The following EPB41L4A variants were observed in gnomAD, a reference collection of about 807,000 sequenced individuals.
The protein encoded by EPB41L4A is erythrocyte membrane protein band 4.1 like 4A.
Under a neutral mutation model 108.6 loss-of-function variants are expected in EPB41L4A, and 100 were observed. The observed-to-expected ratio is 0.92, with a 90% CI of 0.78 to 1.09. The LOEUF (loss-of-function observed/expected upper bound fraction) is 1.09, where lower values mean the gene tolerates loss of function less well. Among genes scored for constraint, EPB41L4A ranks in the 50% least tolerant of loss-of-function variants. EPB41L4A has a pLI of 0.00. For synonymous variants in EPB41L4A, 319 were observed against 289.0 expected (o/e 1.10, Z -1.05); for missense variants, 1,030 against 842.7 (o/e 1.22, Z -2.75).
At chr5:112,409,536 G>A (rs1451466241) in intron 1 of EPB41L4A, among the ~76,000 whole-genome samples, 1 of 152,124 alleles carries the variant, frequency 6.6e-6, no homozygotes, top group Non-Finnish European at 1.5e-5. Flanking sequence ...AGAAATTGAG[G>A]AGTCAAGCAG....
At chr5:112,148,409 A>G (rs1161700527) in intron 12 of EPB41L4A, among the ~76,000 whole-genome samples, 5 of 151,724 alleles carry the variant, frequency 3.3e-5, no homozygotes, top group Non-Finnish European at 7.4e-5. Flanking sequence ...TAAGAATTTT[A>G]CCAATTGATA....
rs139644130 is a variant in EPB41L4A, at chr5:112,167,654, A to G, written c.1932+1085T>C. ...CAAAGTAGAATGAATTTGAAGAGCC[A>G]TCTCAGCTCTAGAGCTCCCTGTGCG... On this transcript the variant is annotated intron_variant, in intron 22 of 22. Coordinates refer to ENST00000261486, the MANE Select transcript of EPB41L4A (RefSeq NM_022140.5). 1.2e-4 allele frequency among the ~76,000 whole-genome samples: 18 copies of G among 152,300 alleles called. No homozygotes were observed. In the East Asian group the frequency reaches 3.3e-3, roughly 28 times the overall value.
intron 3 of EPB41L4A, among the ~76,000 whole-genome samples, chr5:112,279,073 A>G (rs1752793771): frequency 6.6e-6 from 1 of 151,750 alleles, no homozygotes; most frequent in African/African-American, 2.4e-5. Flanking sequence ...TCAAAAAAAA[A>G]AAAAAAAAAA....
At chr5:112,260,031 G>A in intron 7 of EPB41L4A, 52 bp from the exon 8 acceptor site, 1 of 1,281,452 alleles carries the variant, frequency 7.8e-7, no homozygotes. Flanking sequence ...AAATCTCTTT[G>A]TCAAACTATA....
intron 1 of EPB41L4A, among the ~76,000 whole-genome samples, chr5:112,345,709 G>T (rs1214938416): frequency 6.6e-6 from 1 of 151,384 alleles, no homozygotes; most frequent in African/African-American, 2.4e-5. Context: ...GTTTATGTGT[G>T]CACACGCATG....
At chr5:112,169,966 T>C (rs1254344561) in intron 20 of EPB41L4A, 5 of 276,070 alleles carry the variant, frequency 1.8e-5, no homozygotes, top group Admixed American at 5.6e-5. Flanking sequence ...GAGAGTTTTA[T>C]GGTCAACATA....
chr5:112,322,323 G>T (rs1255496167), intron 1 of EPB41L4A, among the ~76,000 whole-genome samples: 1 of 152,170 alleles, frequency 6.6e-6, no homozygotes, highest in Non-Finnish European at 1.5e-5. Context: ...TTAAAATCCA[G>T]ACTAGCTCTA....
At chr5:112,194,327 A>AACAC (rs143519632) in intron 17 of EPB41L4A, among the ~76,000 whole-genome samples, 45 of 151,040 alleles carry the variant, frequency 3.0e-4, no homozygotes, top group African/African-American at 3.6e-4. Flanking sequence ...CATCTTTTAA[A>AACAC]ACACACACAC....
intron 2 of EPB41L4A, among the ~76,000 whole-genome samples, chr5:112,286,593 G>C (rs138121172): frequency 3.5e-4 from 53 of 152,228 alleles, no homozygotes; most frequent in Non-Finnish European, 6.9e-4. Flanking sequence ...CGACCAACCT[G>C]CTTGCATCTG....
intron 1 of EPB41L4A, among the ~76,000 whole-genome samples, chr5:112,347,782 C>T (rs1757779829): frequency 6.6e-6 from 1 of 152,206 alleles, no homozygotes; most frequent in Admixed American, 6.5e-5. Context: ...AGTAAAGGGG[C>T]ATCCCCTGTG....
intron 1 of EPB41L4A, among the ~76,000 whole-genome samples, chr5:112,386,462 T>A (rs1760533824): frequency 6.6e-6 from 1 of 152,220 alleles, no homozygotes; most frequent in South Asian, 2.1e-4. Context: ...AATTCTAATT[T>A]CCTCTACATG....
intron 17 of EPB41L4A, among the ~76,000 whole-genome samples, chr5:112,192,491 G>A (rs192128962): frequency 4.6e-5 from 7 of 152,180 alleles, no homozygotes; most frequent in Admixed American, 2.6e-4. Flanking sequence ...GAAACGTGTC[G>A]GAATGTGTTT....
Position 112,255,771 on chromosome 5 carries a change from G to A in EPB41L4A, c.795+3458C>T, listed in dbSNP as rs112513355. Reference sequence around the variant, plus strand: ...TCAAATTTATATATTCTGCTCAGACGTTGGTACTAAACTCCAGGCTCACAT... The same window carrying A: ...TCAAATTTATATATTCTGCTCAGACATTGGTACTAAACTCCAGGCTCACAT... On this transcript the variant is annotated intron_variant, in intron 9 of 22. Transcript: ENST00000261486. Among the ~76,000 whole-genome samples, 9 of 152,162 alleles carry A rather than the reference G, an allele frequency of 5.9e-5. 1 individual carries two copies. The highest frequency in any genetic ancestry group is 2.1e-4 in the South Asian group (1 of 4,796).
chr5:112,159,616 C>A (rs564770594), downstream of EPB41L4A, among the ~76,000 whole-genome samples: 4 of 152,334 alleles, frequency 2.6e-5, no homozygotes, highest in East Asian at 7.7e-4. Flanking sequence ...CGACTCCAGC[C>A]ACACTGGCCA....
chr5:112,302,224 G>C (rs2150567277), intron 2 of EPB41L4A, among the ~76,000 whole-genome samples: 1 of 152,114 alleles, frequency 6.6e-6, no homozygotes, highest in Admixed American at 6.5e-5. Context: ...AAAATTCATA[G>C]ACCAGGTATG....
chr5:112,409,407 T>C (rs1292082563), intron 1 of EPB41L4A, among the ~76,000 whole-genome samples: 1 of 151,996 alleles, frequency 6.6e-6, no homozygotes, highest in East Asian at 1.9e-4. Context: ...AAATTGATTG[T>C]GGTGATGGCT....
chr5:112,334,985 G>C (rs981443648), intron 1 of EPB41L4A, among the ~76,000 whole-genome samples: 1 of 152,056 alleles, frequency 6.6e-6, no homozygotes, highest in African/African-American at 2.4e-5. Context: ...ACAAAACACT[G>C]GCCTATACTA....
intron 1 of EPB41L4A, among the ~76,000 whole-genome samples, chr5:112,351,949 C>A (rs1005816239): frequency 2.0e-5 from 3 of 152,166 alleles, no homozygotes; most frequent in African/African-American, 7.2e-5. Context: ...ATGTAACATT[C>A]TTTTATGATA....
At chr5:112,252,530 G>A (rs537990765) in intron 9 of EPB41L4A, among the ~76,000 whole-genome samples, 78 of 152,294 alleles carry the variant, frequency 5.1e-4, no homozygotes, top group African/African-American at 1.8e-3. Flanking sequence ...GAGTCAGATT[G>A]AAAGGGTTCC....
Sources: gnomAD v4.1 joint callset for allele counts (sites outside exome capture counted in the v4.1 genomes callset) on GRCh38, gnomAD v4.1.1 for gene constraint, MANE v1.5 for transcripts, NCBI Gene and HGNC (gene_info 2026-07-23, HGNC 2026-07-21) for gene names.